Variants in SGPL1 observed in about 807,000 individuals in gnomAD.
SGPL1 encodes SP-lyase 1.
A neutral mutation model predicts 68.9 loss-of-function variants in SGPL1; 37 were observed. That is an observed-to-expected ratio of 0.54 (90% CI 0.41 to 0.71). SGPL1 has a LOEUF of 0.71. SGPL1 is among the 30% of genes least tolerant of loss of function. SGPL1 has a pLI of 0.00. For synonymous variants in SGPL1, 236 were observed against 248.5 expected, an observed-to-expected ratio of 0.95 and a Z score of 0.47; for missense variants, 551 against 704.6, an observed-to-expected ratio of 0.78 and a Z score of 2.47.
intron 4 of SGPL1, among the ~76,000 whole-genome samples, chr10:70,852,886 G>A (rs1564625447): frequency 6.6e-6 from 1 of 152,148 alleles, no homozygotes; most frequent in Admixed American, 6.5e-5. Context: ...TAATAGGAAA[G>A]ACAGAAAATA....
chr10:70,847,082 C>T (rs1036245077), intron 3 of SGPL1, among the ~76,000 whole-genome samples: 12 of 152,040 alleles, frequency 7.9e-5, no homozygotes, highest in African/African-American at 2.9e-4. Context: ...TCGTAGTATA[C>T]TGATGAGATA....
intron 2 of SGPL1, among the ~76,000 whole-genome samples, chr10:70,831,376 C>T (rs1845533152): frequency 6.6e-6 from 1 of 152,134 alleles, no homozygotes; most frequent in African/African-American, 2.4e-5. Context: ...GTTGAGGGCT[C>T]AGTCCCAACC....
rs760993757 is a variant in SGPL1, at chr10:70,851,098, T to C, written c.194-45T>C. The C allele has an allele frequency of 4.7e-6, 7 of 1,496,362 alleles. No homozygotes were observed. The African/African-American group carries it at 5.5e-5, about 12-fold the overall frequency. The allele number at this position is 1,496,362 out of a possible 1,614,324, so 92.7% of individuals were successfully genotyped here. A position where few individuals can be genotyped will look rare whatever the true frequency, so the allele number is the denominator to read the frequency against. On this transcript the variant is annotated intron_variant, in intron 3 of 14. Transcript: ENST00000373202. ...AATGGTTGCTATATGCCAGGTCATA[T>C]CCATGGAAATTTATTTGAATAAGAG... is the stretch of plus-strand genomic sequence containing the variant.
intron 2 of SGPL1, among the ~76,000 whole-genome samples, chr10:70,826,831 G>A (rs1368788309): frequency 3.3e-5 from 5 of 152,048 alleles, no homozygotes; most frequent in Admixed American, 3.3e-4. Context: ...CAGTATTCAT[G>A]CGATCCATGT....
chr10:70,863,745 G>A (rs187025589), intron 7 of SGPL1, among the ~76,000 whole-genome samples: 210 of 152,270 alleles, frequency 1.4e-3, no homozygotes, highest in Middle Eastern at 3.4e-3. Flanking sequence ...TTGAAAGATT[G>A]CTATTTTTCT....
chr10:70,868,065 G>A (rs887123269), intron 7 of SGPL1, among the ~76,000 whole-genome samples: 8 of 152,230 alleles, frequency 5.3e-5, no homozygotes, highest in African/African-American at 1.9e-4. Context: ...ATACAGAAAT[G>A]TAAATGGATT....
chr10:70,831,639 G>T (rs1260079688), intron 2 of SGPL1, among the ~76,000 whole-genome samples: 1 of 152,188 alleles, frequency 6.6e-6, no homozygotes, highest in African/African-American at 2.4e-5. Context: ...GCCTCCCTGG[G>T]TGCACCACCC....
intron 2 of SGPL1, among the ~76,000 whole-genome samples, chr10:70,838,252 G>T (rs1463348256): frequency 1.3e-5 from 2 of 152,258 alleles, no homozygotes; most frequent in South Asian, 2.1e-4. Context: ...GTTTCTTTAG[G>T]TATAAATTGG....
rs757057633 is a variant in SGPL1, at chr10:70,857,587, G to A, written c.410-27G>A. On this transcript the variant is annotated intron_variant, in intron 5 of 14. Coordinates refer to ENST00000373202, the MANE Select transcript of SGPL1 (RefSeq NM_003901.4). ...GTCTTCCCAGAGATTCTTGCTTACT[G>A]ACCAGTGACCTTACCTTTCTCTGCA... is the stretch of plus-strand genomic sequence containing the variant. The A allele has an allele frequency of 7.6e-6, 12 of 1,585,292 alleles. No individual in the cohort carries two copies. In the African/African-American group the frequency reaches 1.3e-4, roughly 18 times the overall value.
intron 3 of SGPL1, among the ~76,000 whole-genome samples, chr10:70,845,266 G>C (rs890916371): frequency 1.4e-4 from 21 of 151,988 alleles, no homozygotes; most frequent in Non-Finnish European, 2.5e-4. Context: ...ACATAATTAT[G>C]TCACCTGGAG....
Position 70,878,187 on chromosome 10 carries a change from C to G in SGPL1, c.*852C>G, listed in dbSNP as rs1846432559. The G allele has an allele frequency of 6.6e-6, 1 of 152,266 alleles. No individual in the cohort carries two copies. Among genetic ancestry groups the G allele is most frequent in the African/African-American group, 2.4e-5 (1 of 41,424 alleles). 9.4% of individuals were successfully genotyped at this position (152,266 alleles called of 1,614,324 possible). A position where few individuals can be genotyped will look rare whatever the true frequency, so the allele number is the denominator to read the frequency against. On this transcript the variant is annotated 3_prime_UTR_variant, in exon 15 of 15. Transcript: ENST00000373202. ...AGTCACTTCTATTGCAACTCATTTT[C>G]TTTTTCCAGGGCACAGATCGACCAA... is the stretch of plus-strand genomic sequence containing the variant.
chr10:70,870,433 A>G (rs1483035394), intron 9 of SGPL1, among the ~76,000 whole-genome samples: 2 of 151,610 alleles, frequency 1.3e-5, no homozygotes, highest in East Asian at 3.9e-4. Flanking sequence ...CTTGAGCCCC[A>G]GGAGGTTGAT....
intron 2 of SGPL1, among the ~76,000 whole-genome samples, chr10:70,830,392 A>G (rs1048217399): frequency 6.6e-6 from 1 of 152,158 alleles, no homozygotes; most frequent in Admixed American, 6.5e-5. Flanking sequence ...GACACTTCAT[A>G]TAAATACAAT....
rs780412791 is a variant in SGPL1, at chr10:70,868,350, T to G, written c.621T>G (p.Thr207=). The part of the protein sequence containing the change: ...NGGPDSCGCV[T]SGGTESILMA... The stretch of plus-strand genomic sequence containing the variant: ...GCATCTCTTCTTTATTATAGGTGAC[T>G]TCTGGGGGAACAGAAAGCATACTGA... Residue 207 remains threonine, a synonymous_variant, in exon 8 of 15, where the codon ACT becomes ACG. Transcript: ENST00000373202. The G allele has an allele frequency of 8.7e-6, 14 of 1,610,500 alleles. No individual in the cohort carries two copies. The highest frequency in any genetic ancestry group is 1.7e-5 in the Admixed American group (1 of 59,732).
At chr10:70,835,085 G>A (rs1370132913) in intron 2 of SGPL1, among the ~76,000 whole-genome samples, 2 of 152,146 alleles carry the variant, frequency 1.3e-5, no homozygotes, top group African/African-American at 2.4e-5. Flanking sequence ...GAGAGATGTG[G>A]GAGAGAGGAG....
chr10:70,859,227 T>C (rs1253139650), intron 6 of SGPL1, 144 bp from the exon 7 acceptor site: 1 of 392,400 alleles, frequency 2.5e-6, no homozygotes, highest in East Asian at 5.3e-5. Context: ...TATGTTTTGA[T>C]CTTTTGGTTG....
chr10:70,831,835 C>A (rs1399568613), intron 2 of SGPL1, among the ~76,000 whole-genome samples: 1 of 152,166 alleles, frequency 6.6e-6, no homozygotes, highest in East Asian at 1.9e-4. Flanking sequence ...TTCAGGTTGT[C>A]GCTGGCCTTT....
At chr10:70,831,156 G>C (rs933630828) in intron 2 of SGPL1, among the ~76,000 whole-genome samples, 3 of 152,088 alleles carry the variant, frequency 2.0e-5, no homozygotes, top group African/African-American at 7.2e-5. Context: ...TGGTAACCCG[G>C]AGGGGCGTCC....
At chr10:70,869,225 T>C (rs1308216974) in intron 8 of SGPL1, 1 of 152,338 alleles carries the variant, frequency 6.6e-6, no homozygotes, top group Non-Finnish European at 1.5e-5. Flanking sequence ...CTAAAGCAAA[T>C]ACCCGTGACC....
Sources: gnomAD v4.1 joint callset for allele counts (sites outside exome capture counted in the v4.1 genomes callset) on GRCh38, gnomAD v4.1.1 for gene constraint, MANE v1.5 for transcripts, NCBI Gene and HGNC (gene_info 2026-07-23, HGNC 2026-07-21) for gene names.